The following ANK1 variants were observed in gnomAD, a reference collection of about 807,000 sequenced individuals.
ANK1 encodes the protein ankyrin 1.
A neutral mutation model predicts 210.4 loss-of-function variants in ANK1; 51 were observed. That is an observed-to-expected ratio of 0.24 (90% CI 0.19 to 0.31). ANK1 has a LOEUF of 0.31. Ranked by LOEUF, ANK1 falls within the 10% of genes least tolerant of loss-of-function variation. ANK1 has a pLI of 1.00. For synonymous variants in ANK1, 967 were observed against 1,025.9 expected (o/e 0.94, Z 1.10); for missense variants, 2,051 against 2,504.4 (o/e 0.82, Z 3.86).
chr8:41,745,105 G>C (rs1835780404), intron 2 of ANK1, among the ~76,000 whole-genome samples: 3 of 150,774 alleles, frequency 2.0e-5, no homozygotes, highest in Non-Finnish European at 4.4e-5. Context: ...GACAGAGACA[G>C]AGAGACAGAG....
chr8:41,826,919 A>G (rs984457003), intron 1 of ANK1, among the ~76,000 whole-genome samples: 24 of 152,074 alleles, frequency 1.6e-4, no homozygotes, highest in African/African-American at 5.1e-4. Flanking sequence ...TTAATTCTCC[A>G]TCCCGTAAAG....
intron 26 of ANK1, 41 bp from the exon 27 acceptor site, chr8:41,695,372 A>G (rs1452583575): frequency 1.2e-6 from 2 of 1,611,356 alleles, no homozygotes; most frequent in African/African-American, 1.3e-5. Flanking sequence ...GTGCTCATAC[A>G]AGGCAGGCAG....
chr8:41,664,113 G>A (rs1168840900), intron 39 of ANK1: 5 of 462,960 alleles, frequency 1.1e-5, no homozygotes, highest in African/African-American at 6.0e-5. Flanking sequence ...AAAGCCCTTC[G>A]ACAGGCAGCA....
At chr8:41,818,573 GTCTTTCTTTCTT>G (rs143734244) in intron 1 of ANK1, among the ~76,000 whole-genome samples, 2,315 of 151,706 alleles carry the variant, frequency 0.015, 23 homozygotes, top group South Asian at 0.028. Context: ...AAACCAATAA[GTCTTTCTTTCTT>G]TCTTTCTTTC....
At chr8:41,857,037 C>T (rs1198624255) in intron 1 of ANK1, among the ~76,000 whole-genome samples, 1 of 151,848 alleles carries the variant, frequency 6.6e-6, no homozygotes, top group African/African-American at 2.4e-5. Flanking sequence ...CACCACCATG[C>T]CCGGCTAAAT....
chr8:41,767,584 A>T (rs1842126396), intron 1 of ANK1, among the ~76,000 whole-genome samples: 2 of 152,012 alleles, frequency 1.3e-5, no homozygotes, highest in African/African-American at 4.8e-5. Context: ...TCTCTCCATG[A>T]TTATGTCAGA....
chr8:41,785,017 G>A (rs895625539), intron 1 of ANK1, among the ~76,000 whole-genome samples: 3 of 152,070 alleles, frequency 2.0e-5, no homozygotes, highest in African/African-American at 4.8e-5. Context: ...GCCAGCCCTC[G>A]AGCCCCGGCT....
At chr8:41,788,744 C>G (rs1010164860) in intron 1 of ANK1, 17 of 152,142 alleles carry the variant, frequency 1.1e-4, no homozygotes, top group Non-Finnish European at 2.9e-5. Flanking sequence ...CTCCAGTGAC[C>G]CCTCTTCATC....
intron 22 of ANK1, chr8:41,700,440 T>A: frequency 6.2e-7 from 1 of 1,613,732 alleles, no homozygotes; most frequent in Non-Finnish European, 8.5e-7. Flanking sequence ...CCCATTATAG[T>A]TATATGAGCA....
At chr8:41,893,638 C>T (rs1245928638) in intron 1 of ANK1, among the ~76,000 whole-genome samples, 1 of 152,212 alleles carries the variant, frequency 6.6e-6, no homozygotes, top group Non-Finnish European at 1.5e-5. Flanking sequence ...AGTAGGTTAC[C>T]CGCGGGACAA....
chr8:41,702,893 C>T (rs1444379442), intron 20 of ANK1, among the ~76,000 whole-genome samples: 5 of 152,166 alleles, frequency 3.3e-5, no homozygotes, highest in Admixed American at 2.6e-4. Flanking sequence ...GATCTAGGCT[C>T]ACTGTAACCT....
intron 37 of ANK1, among the ~76,000 whole-genome samples, chr8:41,678,879 G>A (rs998493101): frequency 4.6e-5 from 7 of 152,192 alleles, no homozygotes; most frequent in African/African-American, 1.2e-4. Flanking sequence ...CGCCTCCTGA[G>A]TTCAAGTGAT....
At chr8:41,773,676 G>A (rs1440356089) in intron 1 of ANK1, among the ~76,000 whole-genome samples, 2 of 152,008 alleles carry the variant, frequency 1.3e-5, no homozygotes, top group African/African-American at 2.4e-5. Flanking sequence ...TGATATATCC[G>A]GCATCTCCCC....
At chr8:41,748,831 C>T (rs539428125) in intron 2 of ANK1, among the ~76,000 whole-genome samples, 7 of 152,178 alleles carry the variant, frequency 4.6e-5, no homozygotes, top group Admixed American at 1.3e-4. Flanking sequence ...GTCAGGAGAT[C>T]AAGACCATCC....
intron 22 of ANK1, 45 bp downstream of exon 22, chr8:41,701,505 A>G: frequency 6.3e-7 from 1 of 1,592,466 alleles, no homozygotes; most frequent in Non-Finnish European, 8.6e-7. Context: ...GGGTGCCCGG[A>G]GCCCCTCTGT....
intron 1 of ANK1, among the ~76,000 whole-genome samples, chr8:41,771,308 C>T (rs970623561): frequency 7.9e-5 from 12 of 152,064 alleles, no homozygotes; most frequent in East Asian, 1.9e-4. Context: ...GTAAGCTGTA[C>T]GACTTGGAAG....
chr8:41,728,677 G>A (rs563846065), intron 3 of ANK1, among the ~76,000 whole-genome samples: 109 of 151,994 alleles, frequency 7.2e-4, no homozygotes, highest in Non-Finnish European at 1.0e-3. Flanking sequence ...CATGTCAAAG[G>A]AACTCCTTTT....
intron 42 of ANK1, among the ~76,000 whole-genome samples, chr8:41,656,086 G>C (rs974694657): frequency 1.3e-5 from 2 of 152,250 alleles, no homozygotes; most frequent in African/African-American, 4.8e-5. Flanking sequence ...GAGGGGCAGA[G>C]GCCCCCGTGC....
At chr8:41,868,425 C>G (rs913719042) in intron 1 of ANK1, among the ~76,000 whole-genome samples, 3 of 152,318 alleles carry the variant, frequency 2.0e-5, no homozygotes, top group African/African-American at 7.2e-5. Context: ...AGTTCAGAAC[C>G]ACTGCACCAA....
Sources: gnomAD v4.1 joint callset for allele counts (sites outside exome capture counted in the v4.1 genomes callset) on GRCh38, gnomAD v4.1.1 for gene constraint, MANE v1.5 for transcripts, NCBI Gene and HGNC (gene_info 2026-07-23, HGNC 2026-07-21) for gene names.